The following SPTBN5 variants were observed in gnomAD, a reference collection of about 807,000 sequenced individuals.
SPTBN5 encodes spectrin beta chain, non-erythrocytic 5.
SPTBN5 carries 513 observed loss-of-function variants against 477.6 expected under a neutral mutation model. That is an observed-to-expected ratio of 1.07 (90% CI 1.00 to 1.16). The LOEUF (loss-of-function observed/expected upper bound fraction) is 1.16. Ranked by LOEUF, SPTBN5 falls within the 50% of genes most tolerant of loss-of-function variation. The probability of loss-of-function intolerance (pLI) is 0.00; values close to 1 mark genes in which losing one functional copy is unlikely to be tolerated. For synonymous variants in SPTBN5, 2,169 were observed against 2,011.7 expected (o/e 1.08, Z -2.09); for missense variants, 5,062 against 4,731.8 (o/e 1.07, Z -2.05).
intron 52 of SPTBN5, 38 bp from the exon 53 acceptor site, chr15:41,856,636 A>G (rs545295055): frequency 3.9e-6 from 6 of 1,519,334 alleles, no homozygotes; most frequent in Non-Finnish European, 5.3e-6. Context: ...GATGTTGCTG[A>G]CCCTTGGGGG....
Position 41,886,056 on chromosome 15 carries a change from C to G in SPTBN5, c.1199G>C (p.Trp400Ser), listed in dbSNP as rs757299799. 1 of 1,588,230 alleles carries G rather than the reference C, an allele frequency of 6.3e-7. No individual in the cohort carries two copies. Among genetic ancestry groups the G allele is most frequent in the Non-Finnish European group, 8.6e-7 (1 of 1,165,776 alleles). Residue 400 changes from tryptophan to serine, a missense_variant, in exon 7 of 68, where the codon TGG becomes TCG. Coordinates refer to ENST00000320955, the MANE Select transcript of SPTBN5 (RefSeq NM_016642.4). The part of the protein sequence containing the change: ...GLGLAELSQC[W>S]AGLEWAEAAR... ...AGCCTCTGCCCACTCCAGCCCTGCC[C>G]AGCACTGGGACAGCTCTGCAAGGCC...
rs530894860 is a variant in SPTBN5 at position 41,857,309 on chromosome 15, G to A, written c.8550C>T (p.Ala2850=). Residue 2850 remains alanine, a synonymous_variant, in exon 51 of 68, where the codon GCC becomes GCT. Transcript: ENST00000320955. ...ARQAEALLGQ[A]QAFVREGHCL... ...AGTGGCCTTCCCTCACAAAGGCCTG[G>A]GCCTGGCCCAGCAGTGCCTCAGCCT... 44 of 1,568,024 alleles carry A rather than the reference G, an allele frequency of 2.8e-5. No individual in the cohort carries two copies. The East Asian group carries it at 3.1e-4, about 11-fold the overall frequency.
intron 5 of SPTBN5, 61 bp downstream of exon 5, chr15:41,887,867 C>T: frequency 1.3e-6 from 2 of 1,540,386 alleles, no homozygotes; most frequent in Non-Finnish European, 1.8e-6. Flanking sequence ...GGGCTGAGGA[C>T]CCAAACCCAG....
Position 41,852,777 on chromosome 15 carries a change from G to A in SPTBN5, c.10348-42C>T, listed in dbSNP as rs199941515. Reference sequence around the variant, plus strand: ...TCAGGTGACGCCCAGCTTGGGGGGGGGGGCCCAGAGCCTGGTAGCCAGCTA... The same window carrying A: ...TCAGGTGACGCCCAGCTTGGGGGGGAGGGCCCAGAGCCTGGTAGCCAGCTA... On this transcript the variant is annotated intron_variant, in intron 60 of 67. Coordinates refer to ENST00000320955, the MANE Select transcript of SPTBN5 (RefSeq NM_016642.4). 7.9e-5 allele frequency: 128 copies of A among 1,610,646 alleles called. 2 individuals carry two copies. Among genetic ancestry groups the A allele is most frequent in the South Asian group, 6.7e-4 (61 of 91,014 alleles).
chr15:41,851,765 C>T lies in SPTBN5; in HGVS notation c.10656+14G>A. 6.2e-7 allele frequency: 1 copy of T among 1,603,702 alleles called. No individual in the cohort carries two copies. The highest frequency in any genetic ancestry group is 1.3e-5 in the African/African-American group (1 of 74,790). Reference sequence around the variant, plus strand: ...GTGGGGAGCTGCCTGGAGAAGGAATCTCCAGGCACTCACCTGCCTCCCGCC... The same window carrying T: ...GTGGGGAGCTGCCTGGAGAAGGAATTTCCAGGCACTCACCTGCCTCCCGCC... On this transcript the variant is annotated intron_variant, in intron 63 of 67. Coordinates refer to ENST00000320955, the MANE Select transcript of SPTBN5 (RefSeq NM_016642.4).
rs138346024 is a variant in SPTBN5, at chr15:41,855,127, C to T, written c.9423+97G>A. On this transcript the variant is annotated intron_variant, in intron 55 of 67. Transcript: ENST00000320955. ...TCCTCCCTAGGACACCCTCTCCAGG[C>T]TCCTTTCTGCTGACTCCCCAGCAAC... is the stretch of plus-strand genomic sequence containing the variant. 68 of 1,459,114 alleles carry T rather than the reference C, an allele frequency of 4.7e-5. No homozygotes were observed. The African/African-American group carries it at 8.7e-4, about 19-fold the overall frequency. 90.4% of individuals were successfully genotyped at this position (1,459,114 alleles called of 1,614,324 possible). A position where few individuals can be genotyped will look rare whatever the true frequency, so the allele number is the denominator to read the frequency against.
chr15:41,882,232 G>GGCCCCCC, intron 11 of SPTBN5, 37 bp downstream of exon 11: 17 of 1,254,104 alleles, frequency 1.4e-5, no homozygotes, highest in South Asian at 9.5e-5. Context: ...GCCTCGCCGG[G>GGCCCCCC]CCCCGCCCCC....
At position 41,848,459 on chromosome 15, in the gene SPTBN5, A is replaced by C. The variant is rs551901108; in HGVS notation, c.*157T>G. On this transcript the variant is annotated 3_prime_UTR_variant, in exon 68 of 68. Transcript: ENST00000320955. ...CCTGCCACATGGTAGGACCCATCTAACCAGAAGGAACTGTCTATTCCAGAA... is the reference window on the plus strand; with the variant it reads ...CCTGCCACATGGTAGGACCCATCTACCCAGAAGGAACTGTCTATTCCAGAA... 107 of 838,690 alleles carry C rather than the reference A, an allele frequency of 1.3e-4. No individual in the cohort carries two copies. The African/African-American group carries it at 1.6e-3, about 13-fold the overall frequency. The allele number at this position is 838,690 out of a possible 1,614,324, so 52.0% of individuals were successfully genotyped here.
chr15:41,852,789 C>G, intron 60 of SPTBN5, 35 bp downstream of exon 60: 1 of 1,609,534 alleles, frequency 6.2e-7, no homozygotes, highest in Non-Finnish European at 8.5e-7. Context: ...GGCCCAGAGC[C>G]TGGTAGCCAG....
intron 2 of SPTBN5, 35 bp downstream of exon 2, chr15:41,893,246 AT>A (rs1341162398): frequency 6.2e-7 from 1 of 1,612,670 alleles, no homozygotes; most frequent in Non-Finnish European, 8.5e-7. Flanking sequence ...GGGGCCTGGT[AT>A]GGGTGGGCTG....
Position 41,878,567 on chromosome 15 carries a change from C to T in SPTBN5, c.3245G>A (p.Gly1082Glu). 6.2e-7 allele frequency: 1 copy of T among 1,612,848 alleles called. No individual in the cohort carries two copies. The highest frequency in any genetic ancestry group is 8.5e-7 in the Non-Finnish European group (1 of 1,179,758). The change falls in exon 17 of 68, where the codon GGG (glycine) becomes GAG (glutamate). Residue 1082 changes from glycine (G) to glutamate (E), a missense_variant. By Grantham distance (98) the Gly-to-Glu change is moderately conservative. Coordinates refer to ENST00000320955, the MANE Select transcript of SPTBN5 (RefSeq NM_016642.4). ...TTGTTCCTGTACTTGCTTCAGCAGC[C>T]CCTGCAGTGTCTCCACCTGTCCTTG... ...PLQGQVETLQ[G>E]LLKQVQEQVA...
chr15:41,876,048 G>A, intron 21 of SPTBN5, 66 bp downstream of exon 21: 6 of 1,540,110 alleles, frequency 3.9e-6, no homozygotes, highest in South Asian at 1.2e-5. Context: ...ATGAAAACAG[G>A]TGGTGCAGTA....
chr15:41,860,884 A>C, intron 46 of SPTBN5, 126 bp from the exon 47 acceptor site: 12 of 875,316 alleles, frequency 1.4e-5, no homozygotes, highest in South Asian at 2.8e-5. Flanking sequence ...GCCCAAACAC[A>C]TCCCTCACAT....
At chr15:41,851,005 G>A (rs545714898) in intron 65 of SPTBN5, 54 bp downstream of exon 65, 69 of 1,591,778 alleles carry the variant, frequency 4.3e-5, no homozygotes, top group Admixed American at 2.3e-4. Context: ...TCCAGCCCCC[G>A]CTGAGCCAGG....
At chr15:41,880,120 G>C in intron 14 of SPTBN5, 40 bp downstream of exon 14, 3 of 1,542,946 alleles carry the variant, frequency 1.9e-6, no homozygotes, top group Non-Finnish European at 2.6e-6. Context: ...GGGAGGCAGG[G>C]GCAAGGCGAG....
intron 57 of SPTBN5, 91 bp downstream of exon 57, chr15:41,853,959 C>G (rs1390390686): frequency 6.8e-7 from 1 of 1,466,988 alleles, no homozygotes; most frequent in Non-Finnish European, 9.0e-7. Flanking sequence ...GAGGCTGAAG[C>G]AGGCTGGGGT....
intron 66 of SPTBN5, chr15:41,850,540 C>G (rs995841352): frequency 2.4e-5 from 9 of 378,872 alleles, no homozygotes; most frequent in African/African-American, 1.4e-4. Flanking sequence ...TGGAGGAACA[C>G]AGTCCATGAG....
Position 41,855,552 on chromosome 15 carries a change from T to TA in SPTBN5, c.9214_9215insT (p.Glu3072ValfsTer77). On this transcript the variant is annotated frameshift_variant, in exon 54 of 68. Transcript: ENST00000320955. LOFTEE classifies it high-confidence loss of function. Reference sequence around the variant, plus strand: ...GGATGGTGTGGCTTCCGCCCACCTTTCTGGGTTCTTCCTGCTCTCCAGGAG... The same window carrying TA: ...GGATGGTGTGGCTTCCGCCCACCTTTACTGGGTTCTTCCTGCTCTCCAGGAG... The TA allele has an allele frequency of 6.2e-7, 1 of 1,608,900 alleles. No homozygotes were observed. The highest frequency in any genetic ancestry group is 8.5e-7 in the Non-Finnish European group (1 of 1,177,154).
At chr15:41,890,663 C>T (rs2067281795) in intron 3 of SPTBN5, among the ~76,000 whole-genome samples, 1 of 152,244 alleles carries the variant, frequency 6.6e-6, no homozygotes, top group Non-Finnish European at 1.5e-5. Flanking sequence ...CAGCCCTCTT[C>T]TTCTGTTCCG....
Sources: allele counts gnomAD v4.1 joint callset (sites outside exome capture counted in the v4.1 genomes callset), GRCh38; gene constraint gnomAD v4.1.1; transcripts MANE v1.5; gene names NCBI Gene and HGNC (gene_info 2026-07-23, HGNC 2026-07-21).